The following SLC2A9 variants were observed in gnomAD, a reference collection of about 807,000 sequenced individuals.
SLC2A9 encodes solute carrier family 2 member 9.
SLC2A9 carries 39 observed loss-of-function variants against 50.6 expected under a neutral mutation model. The ratio of observed to expected loss-of-function variants is 0.77; its 90% CI spans 0.60 to 1.01. SLC2A9 has a LOEUF of 1.01. Among genes scored for constraint, SLC2A9 ranks in the 50% least tolerant of loss-of-function variants. The pLI is 0.00. For missense variants in SLC2A9, 686 were observed against 677.6 expected, an observed-to-expected ratio of 1.01 and a Z score of -0.14; for synonymous variants, 324 against 276.9, an observed-to-expected ratio of 1.17 and a Z score of -1.69.
downstream of SLC2A9, among the ~76,000 whole-genome samples, chr4:9,795,034 CAA>C (rs1324751262): frequency 7.7e-5 from 3 of 39,006 alleles, no homozygotes; most frequent in African/African-American, 2.4e-4. Context: ...TTTTTTAAGA[CAA>C]AGTCTCACTC....
chr4:10,006,347 C>A (rs1161328108), intron 2 of SLC2A9: 1 of 152,232 alleles, frequency 6.6e-6, no homozygotes, highest in East Asian at 1.9e-4. Flanking sequence ...TGGAACGATT[C>A]TCAGGAGTCC....
intron 4 of SLC2A9, among the ~76,000 whole-genome samples, chr4:9,984,784 T>A (rs1046197185): frequency 2.0e-5 from 3 of 152,148 alleles, no homozygotes; most frequent in African/African-American, 7.2e-5. Context: ...CTCCTCTGAT[T>A]CCACTCCTGG....
chr4:10,005,903 C>G (rs185496111), intron 2 of SLC2A9, among the ~76,000 whole-genome samples: 107 of 152,314 alleles, frequency 7.0e-4, no homozygotes, highest in Middle Eastern at 6.8e-3. Flanking sequence ...CTTAACCTCT[C>G]TGCGCCTCAG....
intron 7 of SLC2A9, among the ~76,000 whole-genome samples, chr4:9,918,106 G>A (rs1340953235): frequency 1.3e-5 from 2 of 152,146 alleles, no homozygotes; most frequent in East Asian, 3.9e-4. Context: ...ACCCTGTGGG[G>A]CTGTTTGGGG....
rs550912579 is a variant in SLC2A9, at chr4:9,815,457, C to G, written n.420+10963G>C. 4.6e-5 allele frequency among the ~76,000 whole-genome samples: 7 copies of G among 152,344 alleles called. No homozygotes were observed. The East Asian group carries it at 1.3e-3, about 29-fold the overall frequency. On this transcript the variant is annotated intron_variant and non_coding_transcript_variant, in intron 3 of 3. Transcript: ENST00000503280. ...ACAGAAGTTTTGACGGTCACAAGCA[C>G]AGGGCAGAGGTAGGCAGATCACAGC...
chr4:10,022,187 T>C (rs1421018398), upstream of SLC2A9, among the ~76,000 whole-genome samples: 1 of 152,224 alleles, frequency 6.6e-6, no homozygotes, highest in Non-Finnish European at 1.5e-5. Context: ...CACTTTATTC[T>C]CTGAGCTGCA....
At chr4:9,846,121 A>G (rs1426896924) in intron 10 of SLC2A9, among the ~76,000 whole-genome samples, 1 of 152,172 alleles carries the variant, frequency 6.6e-6, no homozygotes, top group Non-Finnish European at 1.5e-5. Context: ...ACGAGCAGTA[A>G]ATGATAGACT....
intron 10 of SLC2A9, among the ~76,000 whole-genome samples, chr4:9,862,157 TA>T (rs1298095541): frequency 1.3e-5 from 2 of 150,732 alleles, no homozygotes; most frequent in Non-Finnish European, 2.9e-5. Context: ...AGACAAGAGA[TA>T]TTCTGCTCCC....
At chr4:9,867,828 C>T (rs753773986) in intron 10 of SLC2A9, among the ~76,000 whole-genome samples, 118 of 152,322 alleles carry the variant, frequency 7.7e-4, no homozygotes, top group Non-Finnish European at 1.2e-3. Flanking sequence ...GACTGCCCCC[C>T]TATGCAGGGG....
rs1032394495 is a variant in SLC2A9, at chr4:9,979,675, C to T, written c.681+917G>A. 4.6e-5 allele frequency among the ~76,000 whole-genome samples: 7 copies of T among 152,126 alleles called. No individual in the cohort carries two copies. In the South Asian group the frequency reaches 1.5e-3, roughly 32 times the overall value. ...CACTCTAGTCTACACCCACCGCCTC[C>T]ACCCCAGAGCCACCTTCTAACACTG... On this transcript the variant is annotated intron_variant, in intron 5 of 11. Coordinates refer to ENST00000264784, the MANE Select transcript of SLC2A9 (RefSeq NM_020041.3).
chr4:9,922,445 GCACATCC>G (rs555197972), intron 6 of SLC2A9, among the ~76,000 whole-genome samples: 1,879 of 152,090 alleles, frequency 0.012, 25 homozygotes, highest in Middle Eastern at 0.02. Context: ...TAACAAACCT[GCACATCC>G]TGCACATGTA....
At chr4:9,788,099 C>A (rs1719453203) in intron 3 of SLC2A9, among the ~76,000 whole-genome samples, 1 of 152,104 alleles carries the variant, frequency 6.6e-6, no homozygotes, top group Non-Finnish European at 1.5e-5. Flanking sequence ...ATTCCATAAT[C>A]TTTCTAAATG....
At chr4:10,011,721 T>C (rs533961923) in intron 2 of SLC2A9, among the ~76,000 whole-genome samples, 7 of 152,298 alleles carry the variant, frequency 4.6e-5, no homozygotes, top group East Asian at 3.9e-4. Context: ...ACTATGCCAA[T>C]TGGAGCTAGT....
At position 9,880,597 on chromosome 4, in the gene SLC2A9, T is replaced by G. The variant is rs189292861; in HGVS notation, c.1291+6970A>C. 5.9e-4 allele frequency: 577 copies of G among 983,882 alleles called. 2 individuals carry two copies. In the South Asian group the frequency reaches 0.012, roughly 21 times the overall value. The allele number at this position is 983,882 out of a possible 1,614,324, so 60.9% of individuals were successfully genotyped here. A position where few individuals can be genotyped will look rare whatever the true frequency, so the allele number is the denominator to read the frequency against. On this transcript the variant is annotated intron_variant, in intron 10 of 11. Transcript: ENST00000264784. Reference sequence around the variant, plus strand: ...TAGTGATTTTTGGTTAGCAAAGAACTTCAGGCAGATATGCAGATGAGTCCA... The same window carrying G: ...TAGTGATTTTTGGTTAGCAAAGAACGTCAGGCAGATATGCAGATGAGTCCA...
At chr4:9,832,947 T>C (rs756431666) in intron 11 of SLC2A9, among the ~76,000 whole-genome samples, 2 of 152,204 alleles carry the variant, frequency 1.3e-5, no homozygotes, top group Non-Finnish European at 2.9e-5. Flanking sequence ...CAGAAGATAG[T>C]GGCCTGCTTC....
At chr4:9,839,648 A>T (rs1727695359) in intron 10 of SLC2A9, among the ~76,000 whole-genome samples, 1 of 152,164 alleles carries the variant, frequency 6.6e-6, no homozygotes, top group Non-Finnish European at 1.5e-5. Flanking sequence ...TGCAGCCATA[A>T]AAAAAGAATG....
intron 11 of SLC2A9, among the ~76,000 whole-genome samples, chr4:9,831,111 G>GT (rs1318870063): frequency 1.3e-5 from 2 of 152,092 alleles, no homozygotes; most frequent in Non-Finnish European, 1.5e-5. Flanking sequence ...TTAGGGGTCT[G>GT]TTTGGGGGCT....
chr4:9,813,208 G>A (rs1723104665), intron 3 of SLC2A9, among the ~76,000 whole-genome samples: 1 of 152,192 alleles, frequency 6.6e-6, no homozygotes, highest in African/African-American at 2.4e-5. Flanking sequence ...GAAATATTTA[G>A]GAAGTGGTGT....
downstream of SLC2A9, among the ~76,000 whole-genome samples, chr4:9,823,690 G>A (rs535943530): frequency 6.6e-6 from 1 of 152,326 alleles, no homozygotes; most frequent in African/African-American, 2.4e-5. Flanking sequence ...GTACAAGTGT[G>A]TGGCTGTGAA....
Sources: gnomAD v4.1 joint callset for allele counts (sites outside exome capture counted in the v4.1 genomes callset) on GRCh38, gnomAD v4.1.1 for gene constraint, MANE v1.5 for transcripts, NCBI Gene and HGNC (gene_info 2026-07-23, HGNC 2026-07-21) for gene names.